SBF2: variants seen among roughly 807,000 people sequenced by gnomAD.
SBF2 encodes the protein SET binding factor 2, also known as myotubularin-related protein 13.
SBF2 carries 112 observed loss-of-function variants against 225.2 expected under a neutral mutation model. That is an observed-to-expected ratio of 0.50 (90% CI 0.43 to 0.58). The LOEUF (loss-of-function observed/expected upper bound fraction) is 0.58. Ranked by LOEUF, SBF2 falls within the 20% of genes least tolerant of loss-of-function variation. The pLI is 0.00. For missense variants in SBF2, 1,996 were observed against 2,206.2 expected (o/e 0.90, Z 1.91); for synonymous variants, 763 against 773.3 (o/e 0.99, Z 0.22).
At chr11:10,196,866 A>ATATATATATATATTTTTTTTTT in intron 1 of SBF2, among the ~76,000 whole-genome samples, 16 of 99,298 alleles carry the variant, frequency 1.6e-4, no homozygotes, top group African/African-American at 4.8e-4. Context: ...ATATATATAT[A>ATATATATATATATTTTTTTTTT]TTTTTTTTTT....
chr11:10,299,126 C>T (rs1964573708), upstream of SBF2, among the ~76,000 whole-genome samples: 1 of 152,068 alleles, frequency 6.6e-6, no homozygotes, highest in Admixed American at 6.5e-5. Context: ...ATCATGAGGT[C>T]AGCAGATCGA....
At chr11:10,251,950 T>C (rs1303788786) in intron 1 of SBF2, among the ~76,000 whole-genome samples, 1 of 152,116 alleles carries the variant, frequency 6.6e-6, no homozygotes, top group African/African-American at 2.4e-5. Context: ...TAAACAAAAT[T>C]ATGGGAGGCT....
intron 6 of SBF2, among the ~76,000 whole-genome samples, chr11:10,012,518 C>G (rs1056840079): frequency 1.3e-5 from 2 of 152,208 alleles, no homozygotes; most frequent in African/African-American, 4.8e-5. Flanking sequence ...ACTGAAATTG[C>G]CTAGGTTTTT....
intron 1 of SBF2, among the ~76,000 whole-genome samples, chr11:10,208,849 AT>A (rs1332084674): frequency 2.0e-5 from 3 of 152,062 alleles, no homozygotes; most frequent in Non-Finnish European, 4.4e-5. Flanking sequence ...TTAAAACACA[AT>A]TCTCTATGAC....
At chr11:10,113,519 ATATC>A (rs2135021617) in intron 2 of SBF2, among the ~76,000 whole-genome samples, 1 of 152,332 alleles carries the variant, frequency 6.6e-6, no homozygotes, top group African/African-American at 2.4e-5. Context: ...AGATATTACT[ATATC>A]TATTTTTCAG....
intron 1 of SBF2, among the ~76,000 whole-genome samples, chr11:10,197,586 G>A (rs746601498): frequency 2.6e-5 from 4 of 152,096 alleles, no homozygotes; most frequent in African/African-American, 4.8e-5. Flanking sequence ...TGGTGGCTGC[G>A]GCAATTATTG....
At chr11:10,196,512 G>C (rs1490739132) in intron 1 of SBF2, among the ~76,000 whole-genome samples, 1 of 151,842 alleles carries the variant, frequency 6.6e-6, no homozygotes, top group Non-Finnish European at 1.5e-5. Flanking sequence ...CCAAGTAGCT[G>C]GGACTGCAGG....
chr11:9,895,105 T>C (rs1365858813), intron 17 of SBF2, among the ~76,000 whole-genome samples: 1 of 152,152 alleles, frequency 6.6e-6, no homozygotes, highest in Non-Finnish European at 1.5e-5. Flanking sequence ...AACAAACTCA[T>C]CCAACAACAA....
intron 13 of SBF2, among the ~76,000 whole-genome samples, chr11:9,979,484 A>G (rs900819866): frequency 6.6e-6 from 1 of 152,230 alleles, no homozygotes; most frequent in African/African-American, 2.4e-5. Context: ...CCAGCATACA[A>G]CACAAGTTTT....
intron 2 of SBF2, among the ~76,000 whole-genome samples, chr11:10,046,734 C>T (rs1432703231): frequency 6.6e-6 from 1 of 151,764 alleles, no homozygotes; most frequent in Admixed American, 6.6e-5. Context: ...ATGCCCCTTT[C>T]ACCACTGCTT....
At chr11:9,942,869 A>G (rs1865339263) in intron 16 of SBF2, among the ~76,000 whole-genome samples, 1 of 128,800 alleles carries the variant, frequency 7.8e-6, no homozygotes, top group South Asian at 2.6e-4. Context: ...GGAAGAAAGG[A>G]AGAAAGAAAG....
intron 2 of SBF2, among the ~76,000 whole-genome samples, chr11:10,172,812 A>G (rs1235247380): frequency 2.6e-5 from 4 of 152,130 alleles, no homozygotes; most frequent in African/African-American, 9.7e-5. Context: ...GATTACATGC[A>G]TGTGCCATCA....
intron 11 of SBF2, 112 bp downstream of exon 11, chr11:9,992,878 A>G: frequency 1.3e-6 from 1 of 741,590 alleles, no homozygotes; most frequent in Non-Finnish European, 2.2e-6. Context: ...GATTTTAAAT[A>G]ATCACATTTG....
chr11:9,959,433 G>C (rs1266495368), intron 16 of SBF2: 5 of 1,044,992 alleles, frequency 4.8e-6, no homozygotes, highest in Non-Finnish European at 1.5e-6. Context: ...AGGGGTGCTG[G>C]TTGCTCACCA....
chr11:10,075,038 C>T (rs577509061), intron 2 of SBF2, among the ~76,000 whole-genome samples: 2 of 152,116 alleles, frequency 1.3e-5, no homozygotes, highest in Non-Finnish European at 2.9e-5. Context: ...AGAATGAGAA[C>T]CCCTTACTTC....
chr11:10,283,537 AC>A (rs1486096372), intron 1 of SBF2, among the ~76,000 whole-genome samples: 1 of 152,192 alleles, frequency 6.6e-6, no homozygotes, highest in Non-Finnish European at 1.5e-5. Flanking sequence ...ATGAAAAAAA[AC>A]AAGAACTTCA....
chr11:10,139,508 T>G (rs997511181), intron 2 of SBF2, among the ~76,000 whole-genome samples: 4 of 152,210 alleles, frequency 2.6e-5, no homozygotes, highest in African/African-American at 9.6e-5. Context: ...TACACTTTCC[T>G]TGTTCAAAGC....
intron 1 of SBF2, among the ~76,000 whole-genome samples, chr11:10,259,110 G>C (rs1459784053): frequency 2.6e-5 from 4 of 152,266 alleles, no homozygotes; most frequent in Middle Eastern, 6.8e-3. Context: ...TTGAGAAGTT[G>C]TCTTTTCCTT....
intron 6 of SBF2, among the ~76,000 whole-genome samples, chr11:10,003,689 C>T (rs1385117535): frequency 6.6e-5 from 10 of 151,904 alleles, no homozygotes. Context: ...TTTCTATCTT[C>T]TCTTTTTTCC....
Sources: allele counts gnomAD v4.1 joint callset (sites outside exome capture counted in the v4.1 genomes callset), GRCh38; gene constraint gnomAD v4.1.1; transcripts MANE v1.5; gene names NCBI Gene and HGNC (gene_info 2026-07-23, HGNC 2026-07-21).